CABIN1: variants seen among roughly 807,000 people sequenced by gnomAD.
CABIN1 encodes the protein calcineurin binding protein 1.
In CABIN1, 133 loss-of-function variants were observed where a neutral mutation model predicts 227.7. The ratio of observed to expected loss-of-function variants is 0.58; its 90% CI spans 0.51 to 0.67. The LOEUF is 0.67. Among genes scored for constraint, CABIN1 ranks in the 30% least tolerant of loss-of-function variants. The probability of loss-of-function intolerance (pLI) is 0.00; values close to 1 mark genes in which losing one functional copy is unlikely to be tolerated. For synonymous variants in CABIN1, 1,086 were observed against 1,155.1 expected, an observed-to-expected ratio of 0.94 and a Z score of 1.21; for missense variants, 2,408 against 2,852.5, an observed-to-expected ratio of 0.84 and a Z score of 3.55.
intron 26 of CABIN1, among the ~76,000 whole-genome samples, chr22:24,098,808 C>A (rs900032905): frequency 2.0e-5 from 3 of 152,194 alleles, no homozygotes; most frequent in Admixed American, 1.3e-4. Flanking sequence ...CATGTTCTCT[C>A]ATTTTTATAG....
At chr22:24,083,118 A>G in intron 19 of CABIN1, 110 bp from the exon 20 acceptor site, 1 of 1,099,036 alleles carries the variant, frequency 9.1e-7, no homozygotes, top group Non-Finnish European at 1.4e-6. Flanking sequence ...AGACATAGCC[A>G]CCTCAGGTTA....
chr22:24,150,588 C>T (rs2045422233), intron 29 of CABIN1, among the ~76,000 whole-genome samples: 1 of 152,122 alleles, frequency 6.6e-6, no homozygotes. Flanking sequence ...CTGAGAGCAG[C>T]GGACTGCATA....
At chr22:24,052,095 G>A (rs949143769) in intron 8 of CABIN1, among the ~76,000 whole-genome samples, 1 of 152,160 alleles carries the variant, frequency 6.6e-6, no homozygotes, top group African/African-American at 2.4e-5. Flanking sequence ...GAAGGGCCCT[G>A]GGGTGCCTCC....
At chr22:24,035,844 C>T (rs564845624) in intron 2 of CABIN1, among the ~76,000 whole-genome samples, 4 of 151,924 alleles carry the variant, frequency 2.6e-5, no homozygotes, top group Non-Finnish European at 5.9e-5. Flanking sequence ...GTGGACAGTA[C>T]CCAGGACATA....
intron 1 of CABIN1, among the ~76,000 whole-genome samples, chr22:24,028,094 C>G (rs1047638452): frequency 1.3e-5 from 2 of 152,024 alleles, no homozygotes; most frequent in African/African-American, 4.8e-5. Context: ...TTATACTGTA[C>G]TATAGTCTAT....
intron 19 of CABIN1, 47 bp from the exon 20 acceptor site, chr22:24,083,181 A>G (rs1314322752): frequency 6.2e-7 from 1 of 1,600,794 alleles, no homozygotes; most frequent in South Asian, 1.1e-5. Flanking sequence ...ACAGGGAGGC[A>G]GTGGCTACAG....
chr22:24,090,413 A>AGGG (rs1268212587), intron 23 of CABIN1, among the ~76,000 whole-genome samples: 2 of 152,102 alleles, frequency 1.3e-5, no homozygotes, highest in African/African-American at 4.8e-5. Flanking sequence ...CCCATCTTGA[A>AGGG]GGGGATGTGA....
intron 16 of CABIN1, among the ~76,000 whole-genome samples, chr22:24,068,255 C>T (rs2039835059): frequency 6.6e-6 from 1 of 152,190 alleles, no homozygotes; most frequent in Non-Finnish European, 1.5e-5. Context: ...GGAGGTCAGT[C>T]AGGCCCAAGC....
At chr22:24,037,708 G>T (rs1277415854) in intron 3 of CABIN1, among the ~76,000 whole-genome samples, 1 of 152,114 alleles carries the variant, frequency 6.6e-6, no homozygotes, top group Admixed American at 6.5e-5. Flanking sequence ...CCAACTGGGT[G>T]TCCTACAATT....
chr22:24,041,783 G>A (rs895529904), intron 5 of CABIN1, among the ~76,000 whole-genome samples: 1 of 152,110 alleles, frequency 6.6e-6, no homozygotes, highest in Non-Finnish European at 1.5e-5. Flanking sequence ...TGCTTCCTAC[G>A]CATACACTAA....
chr22:24,113,183 A>C (rs865857203), intron 26 of CABIN1, among the ~76,000 whole-genome samples: 10 of 152,232 alleles, frequency 6.6e-5, no homozygotes, highest in Non-Finnish European at 1.2e-4. Flanking sequence ...GCTACTGTGC[A>C]TCTCTTCCTA....
chr22:24,141,664 C>T (rs1032869870), intron 29 of CABIN1, among the ~76,000 whole-genome samples: 3 of 150,772 alleles, frequency 2.0e-5, no homozygotes, highest in South Asian at 4.3e-4. Flanking sequence ...TGCCAAAAAA[C>T]CCCAGGTGGT....
At chr22:24,084,977 C>G in intron 21 of CABIN1, 29 bp from the exon 22 acceptor site, 1 of 1,614,154 alleles carries the variant, frequency 6.2e-7, no homozygotes, top group South Asian at 1.1e-5. Context: ...GACTCCACCT[C>G]CCCTCATACT....
chr22:24,037,259 C>CAAAAAAA (rs71184942), intron 3 of CABIN1, among the ~76,000 whole-genome samples: 2 of 52,626 alleles, frequency 3.8e-5, no homozygotes, highest in African/African-American at 6.8e-5. Context: ...GACCCCGTCT[C>CAAAAAAA]AAAAAAAAAA....
At chr22:24,026,461 T>C (rs901161202) in intron 1 of CABIN1, among the ~76,000 whole-genome samples, 1 of 152,208 alleles carries the variant, frequency 6.6e-6, no homozygotes, top group Non-Finnish European at 1.5e-5. Context: ...GTCTGAAGGC[T>C]TGTCTAACCC....
intron 26 of CABIN1, among the ~76,000 whole-genome samples, chr22:24,106,479 G>A (rs1233693245): frequency 1.3e-5 from 2 of 152,218 alleles, no homozygotes; most frequent in Non-Finnish European, 2.9e-5. Flanking sequence ...TGCCTGCCCT[G>A]CCAGCTTATC....
At chr22:24,171,669 G>A in intron 33 of CABIN1, 44 bp from the exon 34 acceptor site, 1 of 1,610,236 alleles carries the variant, frequency 6.2e-7, no homozygotes, top group Non-Finnish European at 8.5e-7. Flanking sequence ...CGTGGGCTCA[G>A]GGCTGCCTAG....
chr22:24,165,438 C>A, intron 30 of CABIN1, 92 bp from the exon 31 acceptor site: 2 of 1,184,648 alleles, frequency 1.7e-6, no homozygotes, highest in Non-Finnish European at 2.5e-6. Context: ...CAGGCATCCT[C>A]AAGGCAGGGA....
At chr22:24,134,025 TC>T (rs1256606823) in intron 28 of CABIN1, among the ~76,000 whole-genome samples, 2 of 152,168 alleles carry the variant, frequency 1.3e-5, no homozygotes, top group Admixed American at 6.5e-5. Flanking sequence ...GTAGGGTTGG[TC>T]AGGCCAGGGG....
Sources: gnomAD v4.1 joint callset for allele counts (sites outside exome capture counted in the v4.1 genomes callset) on GRCh38, gnomAD v4.1.1 for gene constraint, MANE v1.5 for transcripts, NCBI Gene and HGNC (gene_info 2026-07-23, HGNC 2026-07-21) for gene names.